Variants in RFX1 observed in about 807,000 individuals in gnomAD.
RFX1 encodes the protein MHC class II regulatory factor RFX1.
RFX1 carries 42 observed loss-of-function variants against 119.6 expected under a neutral mutation model. That is an observed-to-expected ratio of 0.35 (90% CI 0.27 to 0.45). The LOEUF is 0.45. RFX1 is among the 20% of genes least tolerant of loss of function. The probability of loss-of-function intolerance (pLI) is 1.00; values close to 1 mark genes in which losing one functional copy is unlikely to be tolerated. For synonymous variants in RFX1, 628 were observed against 618.5 expected (o/e 1.02, Z -0.23); for missense variants, 1,118 against 1,368.1 (o/e 0.82, Z 2.88).
chr19:13,994,676 C>T (rs1228760689), intron 1 of RFX1, among the ~76,000 whole-genome samples: 1 of 150,762 alleles, frequency 6.6e-6, no homozygotes, highest in Admixed American at 6.6e-5. Flanking sequence ...GATTGCACCA[C>T]TGTACTCCAG....
intron 4 of RFX1, chr19:13,982,892 A>G: frequency 2.2e-6 from 1 of 455,884 alleles, no homozygotes; most frequent in Non-Finnish European, 4.0e-6. Flanking sequence ...CTGACTCTAA[A>G]CCTGGCCTTG....
chr19:13,963,118 G>A lies in RFX1; in HGVS notation c.2724+4C>T, dbSNP rs115223700. The A allele has an allele frequency of 2.0e-3, 3,227 of 1,610,658 alleles. 47 individuals are homozygous for A. The African/African-American group carries it at 0.036, about 18-fold the overall frequency. On this transcript the variant is annotated splice_donor_region_variant and intron_variant, in intron 19 of 20. Transcript: ENST00000254325. ...CCGCGCCCCCAGTGGCCCGCCTCGCGCACCTCGCCCATGACGGCGATGGGG... is the reference window on the plus strand; with the variant it reads ...CCGCGCCCCCAGTGGCCCGCCTCGCACACCTCGCCCATGACGGCGATGGGG...
Position 13,993,636 on chromosome 19 carries a change from C to T in RFX1, c.208G>A (p.Gly70Ser). 1.2e-6 allele frequency: 2 copies of T among 1,606,564 alleles called. No homozygotes were observed. Among genetic ancestry groups the T allele is most frequent in the Non-Finnish European group, 1.7e-6 (2 of 1,175,834 alleles). ...SPQPQAQPPG[G>S]QKQYVTELPA... ...AGCTCCGTCACGTACTGCTTCTGGC[C>T]ACCCGGTGGCTGTGCCTGGGGCTGG... is the stretch of plus-strand genomic sequence containing the variant. Residue 70 changes from glycine (G) to serine (S), a missense_variant, in exon 2 of 21, where the codon GGC becomes AGC. Around this residue, in one of 5 missense-constraint regions of RFX1, gnomAD observed 542 missense variants for 602.7 expected, o/e 0.90. Transcript: ENST00000254325.
At chr19:13,999,380 A>G (rs1975137165) in intron 1 of RFX1, among the ~76,000 whole-genome samples, 1 of 152,216 alleles carries the variant, frequency 6.6e-6, no homozygotes, top group Non-Finnish European at 1.5e-5. Flanking sequence ...AAAGTTCTGT[A>G]AGGGCCAAGC....
intron 1 of RFX1, among the ~76,000 whole-genome samples, chr19:14,004,034 G>A (rs569506106): frequency 5.3e-5 from 8 of 152,062 alleles, no homozygotes; most frequent in South Asian, 2.1e-4. Flanking sequence ...TCAGCCTCCC[G>A]AGTAGCTGGG....
In RFX1 at chr19:13,969,585, TG is replaced by T. The variant is rs1041683754; in HGVS notation, c.1496+408del. 5.9e-6 allele frequency: 1 copy of T among 168,302 alleles called. No individual in the cohort carries two copies. The highest frequency in any genetic ancestry group is 1.3e-5 in the Non-Finnish European group (1 of 78,338). 10.4% of individuals were successfully genotyped at this position (168,302 alleles called of 1,614,324 possible). On this transcript the variant is annotated intron_variant, in intron 10 of 20. Transcript: ENST00000254325. This position sits in a 1 kb window ranked among gnomAD's most constrained non-coding sequence, Gnocchi z 4.5. ...GAGGCATGAGAATGGCTTGAACCCG[TG>T]AGGCAGAGGTTGCAGTGAGCCGAGA...
intron 4 of RFX1, among the ~76,000 whole-genome samples, chr19:13,982,759 G>A (rs996307867): frequency 7.9e-5 from 12 of 152,184 alleles, no homozygotes; most frequent in African/African-American, 2.4e-4. Flanking sequence ...AGCCGAGATC[G>A]AGCCATTGTA....
chr19:13,996,453 CAAAG>C (rs1447537093), intron 1 of RFX1, among the ~76,000 whole-genome samples: 1 of 152,216 alleles, frequency 6.6e-6, no homozygotes, highest in Non-Finnish European at 1.5e-5. Context: ...GGGTGACCCT[CAAAG>C]GAAGGAGGAG....
rs1202673062 is a variant in RFX1, at chr19:13,972,858, C to T, written c.1199G>A (p.Ser400Asn). The T allele has an allele frequency of 1.9e-6, 3 of 1,564,808 alleles. No homozygotes were observed. The highest frequency in any genetic ancestry group is 2.6e-6 in the Non-Finnish European group (3 of 1,158,852). Residue 400 changes from serine (S) to asparagine (N), a missense_variant, in exon 9 of 21, where the codon AGT becomes AAT. Physicochemically the swap from Ser to Asn is conservative, Grantham distance 46. This residue lies in a region of RFX1 where 542 missense variants were observed against 602.7 expected (regional missense o/e 0.90). Coordinates refer to ENST00000254325, the MANE Select transcript of RFX1 (RefSeq NM_002918.5). Reference sequence around the variant, plus strand: ...GCTGCCGCCGCCTCCGGTGCTGCCACTGCCACCCCCGCCACCGCCTCCCCC... The same window carrying T: ...GCTGCCGCCGCCTCCGGTGCTGCCATTGCCACCCCCGCCACCGCCTCCCCC... ...GGGGGGGGGG[S>N]GSTGGGGSGA... is the part of the protein sequence containing the mutation.
At chr19:13,982,070 T>A (rs761097018) in intron 5 of RFX1, 51 bp downstream of exon 5, 9 of 982,738 alleles carry the variant, frequency 9.2e-6, no homozygotes, top group African/African-American at 3.3e-5. Context: ...GATACATTGC[T>A]GACCTCGGGA....
chr19:13,983,374 G>T, intron 3 of RFX1, 104 bp from the exon 4 acceptor site: 2 of 1,246,370 alleles, frequency 1.6e-6, no homozygotes, highest in East Asian at 2.5e-5. Flanking sequence ...AAGAACAGGT[G>T]AGCAGATGGC....
chr19:13,967,269 G>A (rs961726371), intron 12 of RFX1, among the ~76,000 whole-genome samples: 1 of 152,174 alleles, frequency 6.6e-6, no homozygotes, highest in Non-Finnish European at 1.5e-5. Flanking sequence ...TGTGTGGCTG[G>A]ACTGTGGGTT....
At chr19:13,983,741 C>A in intron 2 of RFX1, 146 bp from the exon 3 acceptor site, 1 of 669,936 alleles carries the variant, frequency 1.5e-6, no homozygotes, top group Non-Finnish European at 2.5e-6. Flanking sequence ...CCCTGGCCAG[C>A]CCTGACTGCA....
chr19:13,988,786 C>T (rs904470187), intron 2 of RFX1, among the ~76,000 whole-genome samples: 2 of 152,232 alleles, frequency 1.3e-5, no homozygotes, highest in South Asian at 2.1e-4. Context: ...TTTGGGAGGC[C>T]GAGGCAGGCA....
intron 1 of RFX1, among the ~76,000 whole-genome samples, chr19:14,004,998 T>A (rs769460815): frequency 6.6e-6 from 1 of 152,188 alleles, no homozygotes; most frequent in Non-Finnish European, 1.5e-5. Flanking sequence ...TGTGACTCGG[T>A]TGACACTCGT....
chr19:13,963,597 C>T lies in RFX1; in HGVS notation c.2511G>A (p.Gln837=), dbSNP rs763314905. ...CGGCCTTGGGGAAGCCGGCGCTGCC[C>T]TGGTAGGGCTTGAGCACCTGGCTCA... ...GVVSQVLKPY[Q]GSAGFPKAAK... The change falls in exon 18 of 21, where the codon CAG becomes CAA. Residue 837 remains glutamine (Q), a synonymous_variant. Coordinates refer to ENST00000254325, the MANE Select transcript of RFX1 (RefSeq NM_002918.5). 6.2e-7 allele frequency: 1 copy of T among 1,604,656 alleles called. No individual in the cohort carries two copies. The highest frequency in any genetic ancestry group is 8.5e-7 in the Non-Finnish European group (1 of 1,179,162).
chr19:13,964,403 A>ATTTTTTTT (rs1362471691), intron 16 of RFX1, among the ~76,000 whole-genome samples: 1 of 145,970 alleles, frequency 6.9e-6, no homozygotes, highest in African/African-American at 2.6e-5. Flanking sequence ...TTTTTTTTTA[A>ATTTTTTTT]AAACGAAAGA....
chr19:13,968,352 G>C lies in RFX1; in HGVS notation c.1732+213C>G, dbSNP rs781072237. Among the ~76,000 whole-genome samples, 2 of 152,160 alleles carry C rather than the reference G, an allele frequency of 1.3e-5. No individual in the cohort carries two copies. Among genetic ancestry groups the C allele is most frequent in the Non-Finnish European group, 2.9e-5 (2 of 68,016 alleles). ...CCCCGAGAAATGCTTTGCATTGAAA[G>C]AAATGAGAATCTACCTTGAAGAAGG... On this transcript the variant is annotated intron_variant, in intron 12 of 20. Transcript: ENST00000254325. This position sits in a 1 kb window ranked among gnomAD's most constrained non-coding sequence, Gnocchi z 5.5.
chr19:13,964,913 G>C (rs59375062), intron 16 of RFX1, among the ~76,000 whole-genome samples: 2,679 of 152,282 alleles, frequency 0.018, 77 homozygotes, highest in African/African-American at 0.056. Context: ...TTCTTCTGAA[G>C]GGTTTGCTCC....
Sources: gnomAD v4.1 joint callset for allele counts (sites outside exome capture counted in the v4.1 genomes callset) on GRCh38, gnomAD v4.1.1 for gene constraint, gnomAD v4.1.1 regional missense constraint, Gnocchi (gnomAD v3.1) non-coding constraint, MANE v1.5 for transcripts, NCBI Gene and HGNC (gene_info 2026-07-23, HGNC 2026-07-21) for gene names.